Variants in GPHN observed in about 807,000 individuals in gnomAD.
The protein encoded by GPHN is gephyrin.
GPHN carries 17 observed loss-of-function variants against 95.5 expected under a neutral mutation model. The ratio of observed to expected loss-of-function variants is 0.18; its 90% CI spans 0.12 to 0.27. GPHN has a LOEUF of 0.27. Ranked by LOEUF, GPHN falls within the 10% of genes least tolerant of loss-of-function variation. The pLI is 1.00. For synonymous variants in GPHN, 320 were observed against 322.5 expected, an observed-to-expected ratio of 0.99 and a Z score of 0.08; for missense variants, 660 against 978.1, an observed-to-expected ratio of 0.67 and a Z score of 4.34.
the GPHN span, among the ~76,000 whole-genome samples, chr14:67,439,805 G>T: frequency 1.3e-4 from 19 of 151,732 alleles, no homozygotes; most frequent in Admixed American, 1.1e-3. Context: ...GTGTTAAAAT[G>T]TCCTTTCTTC....
chr14:67,414,526 A>G, the GPHN span, among the ~76,000 whole-genome samples: 1 of 152,220 alleles, frequency 6.6e-6, no homozygotes, highest in Non-Finnish European at 1.5e-5. Context: ...TCTCCCTCTC[A>G]GGCCTGGAGG....
chr14:66,597,458 C>T (rs1233085853), intron 1 of GPHN, among the ~76,000 whole-genome samples: 1 of 152,162 alleles, frequency 6.6e-6, no homozygotes, highest in African/African-American at 2.4e-5. Flanking sequence ...ATCAGCACTG[C>T]CCCAAGCGTG....
At chr14:67,239,923 T>G in the GPHN span, among the ~76,000 whole-genome samples, 1 of 152,160 alleles carries the variant, frequency 6.6e-6, no homozygotes, top group Non-Finnish European at 1.5e-5. Flanking sequence ...TTTTTTCTTT[T>G]GGGGTATGGC....
At chr14:67,124,869 G>A (rs1404905865) in intron 17 of GPHN, among the ~76,000 whole-genome samples, 2 of 151,516 alleles carry the variant, frequency 1.3e-5, no homozygotes, top group Non-Finnish European at 2.9e-5. Flanking sequence ...TTATCTTGAA[G>A]TACTCTAAAG....
the GPHN span, among the ~76,000 whole-genome samples, chr14:67,232,773 G>A: frequency 6.2e-4 from 94 of 152,240 alleles, 1 homozygote; most frequent in Admixed American, 3.4e-3. Context: ...ATTTTTATGC[G>A]TGTTGCCAAA....
At chr14:67,508,767 A>AAAAAAAAACAAAAAAAAC in the GPHN span, among the ~76,000 whole-genome samples, 1 of 150,882 alleles carries the variant, frequency 6.6e-6, no homozygotes, top group Non-Finnish European at 1.5e-5. Flanking sequence ...AAAAAAAAAA[A>AAAAAAAAACAAAAAAAAC]AAAACAGAAG....
At chr14:67,114,528 TA>T in intron 16 of GPHN, among the ~76,000 whole-genome samples, 1 of 152,122 alleles carries the variant, frequency 6.6e-6, no homozygotes, top group South Asian at 2.1e-4. Context: ...CTGCCTCTAC[TA>T]AAAAATTAAA....
chr14:66,508,445 C>T lies in GPHN; in HGVS notation c.-83C>T. On this transcript the variant is annotated 5_prime_UTR_variant, in exon 1 of 23. Transcript: ENST00000478722. The stretch of plus-strand genomic sequence containing the variant: ...CTGGCTCCCTAGCTGTCGCGCTCTC[C>T]TCGGCGAGCGCGCTCCCGGCCCGCG... 1.4e-5 allele frequency: 18 copies of T among 1,288,680 alleles called. No homozygotes were observed. The highest frequency in any genetic ancestry group is 1.9e-5 in the Non-Finnish European group (17 of 883,666). The allele number at this position is 1,288,680 out of a possible 1,614,324, so 79.8% of individuals were successfully genotyped here.
intron 9 of GPHN, among the ~76,000 whole-genome samples, chr14:67,013,143 AT>A (rs1567212432): frequency 2.0e-5 from 3 of 151,880 alleles, no homozygotes; most frequent in South Asian, 4.2e-4. Context: ...ACTCTTTTTT[AT>A]TATTATTATT....
At chr14:66,798,723 C>T (rs1438362121) in intron 3 of GPHN, among the ~76,000 whole-genome samples, 3 of 151,088 alleles carry the variant, frequency 2.0e-5, no homozygotes, top group Non-Finnish European at 3.0e-5. Context: ...GTTAATGTGG[C>T]TAATGGTTTG....
At chr14:66,941,401 A>G (rs554949031) in intron 8 of GPHN, among the ~76,000 whole-genome samples, 1 of 152,332 alleles carries the variant, frequency 6.6e-6, no homozygotes, top group East Asian at 1.9e-4. Context: ...CTATTCCACA[A>G]GGAATCTCAG....
intron 3 of GPHN, among the ~76,000 whole-genome samples, chr14:66,788,181 C>T (rs1044559634): frequency 6.6e-6 from 1 of 152,128 alleles, no homozygotes; most frequent in South Asian, 2.1e-4. Flanking sequence ...TGGTGGCGGG[C>T]ACCTGTAATC....
At chr14:66,602,594 T>TA (rs1329212186) in intron 1 of GPHN, among the ~76,000 whole-genome samples, 6 of 152,008 alleles carry the variant, frequency 3.9e-5, no homozygotes, top group Non-Finnish European at 4.4e-5. Flanking sequence ...TAGATCTTCA[T>TA]AAAATCTGAA....
intron 1 of GPHN, 152 bp from the exon 2 acceptor site, chr14:66,680,955 C>T: frequency 1.7e-6 from 1 of 605,290 alleles, no homozygotes. Flanking sequence ...TTGCTAAATT[C>T]ACCAGGCCTA....
At chr14:67,562,647 A>C in the GPHN span, 1 of 1,613,026 alleles carries the variant, frequency 6.2e-7, no homozygotes, top group Non-Finnish European at 8.5e-7. Context: ...CAGGTGGGCC[A>C]TGGGCACTTT....
chr14:67,643,940 T>C, the GPHN span, among the ~76,000 whole-genome samples: 1 of 144,888 alleles, frequency 6.9e-6, no homozygotes, highest in African/African-American at 2.5e-5. Flanking sequence ...ACTAGGCCAT[T>C]CAATTAAATC....
chr14:66,771,726 T>TCC lies in GPHN; in HGVS notation c.144-4733_144-4732dup, dbSNP rs1397910468. Among the ~76,000 whole-genome samples, 257 of 54,306 alleles carry TCC rather than the reference T, an allele frequency of 4.7e-3. 7 individuals are homozygous for TCC. Among genetic ancestry groups the TCC allele is most frequent in the African/African-American group, 0.019 (245 of 13,006 alleles). 35.6% of individuals were successfully genotyped at this position (54,306 alleles called of 152,430 possible). On this transcript the variant is annotated intron_variant, in intron 2 of 22. Transcript: ENST00000478722. ...ATCTCCCAATGCTATCCCTCCCCCC[T>TCC]CCCCCCACCCCACAACAGTCCCCAG...
chr14:67,220,031 AG>A, the GPHN span, among the ~76,000 whole-genome samples: 1 of 152,240 alleles, frequency 6.6e-6, no homozygotes, highest in African/African-American at 2.4e-5. Context: ...CAGAGACATT[AG>A]TGGGATTTAG....
chr14:66,991,072 GAAT>G (rs1436968838), intron 9 of GPHN, among the ~76,000 whole-genome samples: 1 of 151,816 alleles, frequency 6.6e-6, no homozygotes, highest in Non-Finnish European at 1.5e-5. Context: ...ACAATGTTTT[GAAT>G]AATGTTTATT....
Sources: allele counts gnomAD v4.1 joint callset (sites outside exome capture counted in the v4.1 genomes callset), GRCh38; gene constraint gnomAD v4.1.1; transcripts MANE v1.5; gene names NCBI Gene and HGNC (gene_info 2026-07-23, HGNC 2026-07-21).